Variants in RBFOX1 observed in about 807,000 individuals in gnomAD.
The protein encoded by RBFOX1 is RNA binding fox-1 homolog 1.
RBFOX1 carries 8 observed loss-of-function variants against 57.7 expected under a neutral mutation model. The observed-to-expected ratio is 0.14, with a 90% confidence interval of 0.08 to 0.25. RBFOX1 has a LOEUF of 0.25. Ranked by LOEUF, RBFOX1 falls within the 10% of genes least tolerant of loss-of-function variation. The pLI, the probability that RBFOX1 is intolerant of heterozygous loss-of-function variation, is 1.00. For missense variants in RBFOX1, 611 were observed against 548.5 expected (o/e 1.11, Z -1.14); for synonymous variants, 326 against 222.4 (o/e 1.47, Z -4.15).
chr16:7,296,594 G>T (rs113564026), intron 4 of RBFOX1, among the ~76,000 whole-genome samples: 1 of 152,134 alleles, frequency 6.6e-6, no homozygotes. Flanking sequence ...AAGTAGCAGA[G>T]CTTGAATTTA....
chr16:7,262,110 A>G (rs1234678316), intron 4 of RBFOX1, among the ~76,000 whole-genome samples: 3 of 152,160 alleles, frequency 2.0e-5, no homozygotes, highest in Non-Finnish European at 2.9e-5. Flanking sequence ...TTTCTGGGAA[A>G]TATGACACAG....
At chr16:6,905,638 C>T (rs2069679950) in intron 3 of RBFOX1, among the ~76,000 whole-genome samples, 1 of 152,048 alleles carries the variant, frequency 6.6e-6, no homozygotes, top group African/African-American at 2.4e-5. Flanking sequence ...CCAATTTTCC[C>T]CGTTTAGCAA....
At chr16:5,344,940 C>T (rs540112579) in intron 1 of RBFOX1, among the ~76,000 whole-genome samples, 371 of 152,300 alleles carry the variant, frequency 2.4e-3, no homozygotes, top group African/African-American at 8.5e-3. Context: ...ATCCAGGTCC[C>T]ACCTTGTAAA....
At chr16:5,310,585 A>G (rs769372757) in intron 1 of RBFOX1, among the ~76,000 whole-genome samples, 11 of 152,162 alleles carry the variant, frequency 7.2e-5, no homozygotes, top group South Asian at 2.1e-4. Flanking sequence ...CTAGAGATTC[A>G]TGGGCAGAGG....
intron 3 of RBFOX1, among the ~76,000 whole-genome samples, chr16:5,633,861 A>G (rs1225594253): frequency 4.0e-5 from 6 of 151,822 alleles, no homozygotes; most frequent in African/African-American, 1.5e-4. Flanking sequence ...TTAAAAAAAA[A>G]AAAAAGTAGA....
chr16:5,320,437 A>G (rs1225480913), intron 1 of RBFOX1, among the ~76,000 whole-genome samples: 1 of 152,216 alleles, frequency 6.6e-6, no homozygotes, highest in Non-Finnish European at 1.5e-5. Context: ...AAAGCTCAGA[A>G]TAGAAAACAG....
chr16:5,475,161 C>A (rs1052351952), intron 2 of RBFOX1, among the ~76,000 whole-genome samples: 1 of 152,126 alleles, frequency 6.6e-6, no homozygotes, highest in Admixed American at 6.5e-5. Context: ...AATATATTTG[C>A]CGTAATAGAT....
chr16:7,608,774 A>C (rs1349416605), intron 10 of RBFOX1, among the ~76,000 whole-genome samples: 1 of 152,262 alleles, frequency 6.6e-6, no homozygotes, highest in Non-Finnish European at 1.5e-5. Context: ...TAATATATGA[A>C]GAGTGGTGTG....
chr16:6,050,607 T>C (rs996648178), intron 1 of RBFOX1, among the ~76,000 whole-genome samples: 1 of 152,168 alleles, frequency 6.6e-6, no homozygotes, highest in Non-Finnish European at 1.5e-5. Context: ...GAAGCATCCA[T>C]TGACCATGGA....
At chr16:7,360,168 A>G (rs2097294571) in intron 4 of RBFOX1, among the ~76,000 whole-genome samples, 1 of 152,222 alleles carries the variant, frequency 6.6e-6, no homozygotes, top group African/African-American at 2.4e-5. Context: ...TTAATACGCT[A>G]CATGCATTCT....
intron 3 of RBFOX1, among the ~76,000 whole-genome samples, chr16:6,897,400 C>G (rs374185025): frequency 5.3e-5 from 8 of 151,672 alleles, no homozygotes; most frequent in African/African-American, 1.9e-4. Flanking sequence ...GAGACTCCGT[C>G]ACACACACAC....
At chr16:7,442,070 G>T (rs2098772324) in intron 4 of RBFOX1, among the ~76,000 whole-genome samples, 1 of 152,186 alleles carries the variant, frequency 6.6e-6, no homozygotes, top group Admixed American at 6.5e-5. Flanking sequence ...AAAACATCTG[G>T]TAATGAATCC....
chr16:6,115,430 C>A (rs2096487568), intron 1 of RBFOX1, among the ~76,000 whole-genome samples: 1 of 129,888 alleles, frequency 7.7e-6, no homozygotes, highest in Non-Finnish European at 1.5e-5. Context: ...TGAATTGAAG[C>A]CATATGCAGT....
At chr16:6,723,517 G>C (rs1021957703) in intron 3 of RBFOX1, among the ~76,000 whole-genome samples, 1 of 152,176 alleles carries the variant, frequency 6.6e-6, no homozygotes, top group African/African-American at 2.4e-5. Context: ...GATTGTGTTT[G>C]TATGTGCATA....
chr16:5,787,105 G>A (rs991243279), intron 3 of RBFOX1, among the ~76,000 whole-genome samples: 1 of 152,210 alleles, frequency 6.6e-6, no homozygotes, highest in Non-Finnish European at 1.5e-5. Context: ...CTGCATTCCA[G>A]CCTGGGAAAC....
At chr16:5,769,124 A>G (rs113567818) in intron 3 of RBFOX1, among the ~76,000 whole-genome samples, 1 of 152,156 alleles carries the variant, frequency 6.6e-6, no homozygotes, top group African/African-American at 2.4e-5. Context: ...TATGGAAGAG[A>G]GGTGAGTGAC....
At chr16:7,495,537 CTG>C (rs1567502993) in intron 4 of RBFOX1, among the ~76,000 whole-genome samples, 13 of 152,058 alleles carry the variant, frequency 8.5e-5, no homozygotes, top group Admixed American at 1.3e-4. Flanking sequence ...TGGTATCTCA[CTG>C]TGGTTTAGAT....
chr16:6,032,296 G>T (rs930987172), intron 1 of RBFOX1, among the ~76,000 whole-genome samples: 6 of 152,020 alleles, frequency 3.9e-5, no homozygotes, highest in Non-Finnish European at 7.4e-5. Context: ...GACAAAGATT[G>T]GTGGAATTGC....
exon 3 of RBFOX1, chr16:5,599,323 A>G (rs2047290643): frequency 3.2e-6 from 2 of 619,162 alleles, no homozygotes; most frequent in Non-Finnish European, 5.7e-6. Context: ...AAGAAGTCGA[A>G]TGTCATTGGG....
Sources: allele counts gnomAD v4.1 joint callset (sites outside exome capture counted in the v4.1 genomes callset), GRCh38; gene constraint gnomAD v4.1.1; transcripts MANE v1.5; gene names NCBI Gene and HGNC (gene_info 2026-07-23, HGNC 2026-07-21).